IFT52: variants seen among roughly 807,000 people sequenced by gnomAD.
IFT52 encodes intraflagellar transport 52, also known as intraflagellar transport protein 52 homolog.
A neutral mutation model predicts 54.4 loss-of-function variants in IFT52; 44 were observed. The observed-to-expected ratio is 0.81, with a 90% confidence interval of 0.63 to 1.04. The LOEUF is 1.04. Ranked by LOEUF, IFT52 falls within the 50% of genes least tolerant of loss-of-function variation. The probability of loss-of-function intolerance (pLI) is 0.00; values close to 1 mark genes in which losing one functional copy is unlikely to be tolerated. For synonymous variants in IFT52, 181 were observed against 185.3 expected (o/e 0.98, Z 0.19); for missense variants, 452 against 523.6 (o/e 0.86, Z 1.33).
chr20:43,642,931 C>T (rs1986020078), intron 13 of IFT52, among the ~76,000 whole-genome samples: 1 of 152,120 alleles, frequency 6.6e-6, no homozygotes, highest in Non-Finnish European at 1.5e-5. Context: ...CTTTGGGAGG[C>T]TGAGGTAGGC....
chr20:43,635,262 G>A (rs745942252), intron 10 of IFT52, among the ~76,000 whole-genome samples: 125 of 151,536 alleles, frequency 8.2e-4, no homozygotes, highest in Non-Finnish European at 1.9e-4. Flanking sequence ...GGCCTCTAGC[G>A]CCATCCAAGT....
intron 6 of IFT52, among the ~76,000 whole-genome samples, chr20:43,610,205 T>TGG (rs1304416793): frequency 3.4e-5 from 5 of 148,400 alleles, no homozygotes; most frequent in East Asian, 2.0e-4. Context: ...GGCAGGAGAA[T>TGG]TGCTTGAACC....
At chr20:43,595,081 C>T (rs1418292898) in intron 2 of IFT52, among the ~76,000 whole-genome samples, 1 of 150,982 alleles carries the variant, frequency 6.6e-6, no homozygotes, top group East Asian at 2.0e-4. Flanking sequence ...TTTGGGAGGC[C>T]AAGGCGGGTG....
rs140715715 is a variant in IFT52, at chr20:43,624,051, T to C, written c.923+6T>C. The C allele has an allele frequency of 1.3e-4, 206 of 1,613,820 alleles. No individual in the cohort carries two copies. The African/African-American group carries it at 2.3e-3, about 18-fold the overall frequency. Reference sequence around the variant, plus strand: ...TCCTTCCACAGCGTCATCGAGTCAGTACCTGTGGGCCTCTGAGCCACACTG... The same window carrying C: ...TCCTTCCACAGCGTCATCGAGTCAGCACCTGTGGGCCTCTGAGCCACACTG... On this transcript the variant is annotated splice_donor_region_variant and intron_variant, in intron 10 of 13. Transcript: ENST00000373030.
At position 43,594,765 on chromosome 20, in the gene IFT52, A is replaced by G; in HGVS notation, c.67A>G (p.Asn23Asp). ...AYKKEIFTTN[N>D]GYKSMQKKLR... ...CAAAAAGGAGATATTTACCACCAAC[A>G]ATGGCTACAAATCCATGCAGAAAAA... The change falls in exon 2 of 14, where the codon AAT becomes GAT. Residue 23 changes from asparagine (N) to aspartate (D), a missense_variant. Transcript: ENST00000373030. 6.2e-7 allele frequency: 1 copy of G among 1,613,340 alleles called. No homozygotes were observed.
In IFT52 at chr20:43,637,388, G is replaced by A. The variant is rs568450189; in HGVS notation, c.1120+135G>A. Reference sequence around the variant, plus strand: ...AGCGATTCTCCTGTCTCAGCCTCCCGAGTAGCTGGGATTACAGGCATGCGC... The same window carrying A: ...AGCGATTCTCCTGTCTCAGCCTCCCAAGTAGCTGGGATTACAGGCATGCGC... On this transcript the variant is annotated intron_variant, in intron 12 of 13. Coordinates refer to ENST00000373030, the MANE Select transcript of IFT52 (RefSeq NM_016004.5). 14 of 461,010 alleles carry A rather than the reference G, an allele frequency of 3.0e-5. No individual in the cohort carries two copies. In the East Asian group the frequency reaches 3.1e-4, roughly 10 times the overall value. The allele number at this position is 461,010 out of a possible 1,614,324, so 28.6% of individuals were successfully genotyped here. A position where few individuals can be genotyped will look rare whatever the true frequency, so the allele number is the denominator to read the frequency against.
intron 6 of IFT52, among the ~76,000 whole-genome samples, chr20:43,610,505 A>G (rs2038457): frequency 0.78 from 118,963 of 151,900 alleles, 46,910 homozygotes; most frequent in Non-Finnish European, 0.82. Flanking sequence ...AGGCTGAGGC[A>G]GGCAGATCAC....
rs143501649 is a variant in IFT52 at position 43,628,808 on chromosome 20, G to A, written c.923+4763G>A. 1.8e-3 allele frequency among the ~76,000 whole-genome samples: 277 copies of A among 151,726 alleles called. 1 individual carries two copies. Among genetic ancestry groups the A allele is most frequent in the Non-Finnish European group, 2.7e-3 (183 of 67,924 alleles). On this transcript the variant is annotated intron_variant, in intron 10 of 13. Transcript: ENST00000373030. ...AGAGGTTGCAGTGAGCCGAGATCGCGCCACTGCATTCCAGCCTGGGCGACA... is the reference window on the plus strand; with the variant it reads ...AGAGGTTGCAGTGAGCCGAGATCGCACCACTGCATTCCAGCCTGGGCGACA...
chr20:43,629,352 A>G (rs56787028), intron 10 of IFT52, among the ~76,000 whole-genome samples: 1 of 14,358 alleles, frequency 7.0e-5, no homozygotes, highest in African/African-American at 1.3e-4. Flanking sequence ...GACTCACTGC[A>G]AGCTCCGCCT....
intron 7 of IFT52, 21 bp downstream of exon 7, chr20:43,613,997 G>A (rs1258959492): frequency 1.3e-6 from 2 of 1,575,198 alleles, no homozygotes; most frequent in Admixed American, 3.8e-5. Context: ...TCTTAGATAT[G>A]GGTATAGATG....
intron 10 of IFT52, among the ~76,000 whole-genome samples, chr20:43,629,989 C>A (rs990417922): frequency 6.6e-6 from 1 of 152,148 alleles, no homozygotes; most frequent in Non-Finnish European, 1.5e-5. Flanking sequence ...AAGAAATTAT[C>A]TGAAAATGTG....
intron 7 of IFT52, among the ~76,000 whole-genome samples, chr20:43,616,305 G>A (rs1009738782): frequency 3.3e-5 from 5 of 151,990 alleles, no homozygotes; most frequent in Non-Finnish European, 7.4e-5. Context: ...TCAGGAGTTC[G>A]AGACTAGCCT....
At chr20:43,613,250 A>G (rs968249235) in intron 6 of IFT52, among the ~76,000 whole-genome samples, 1 of 152,206 alleles carries the variant, frequency 6.6e-6, no homozygotes, top group African/African-American at 2.4e-5. Context: ...CGTATTTACC[A>G]GTAAGATATT....
At chr20:43,606,251 A>G (rs1982870404) in intron 6 of IFT52, among the ~76,000 whole-genome samples, 1 of 151,284 alleles carries the variant, frequency 6.6e-6, no homozygotes, top group African/African-American at 2.4e-5. Flanking sequence ...GTCATTATAG[A>G]TAATAAAGCA....
intron 1 of IFT52, among the ~76,000 whole-genome samples, chr20:43,593,311 G>A (rs995741827): frequency 1.3e-5 from 2 of 152,102 alleles, no homozygotes; most frequent in African/African-American, 4.8e-5. Context: ...ACTGGAAATA[G>A]GATTGTGTGG....
rs917072987 is a variant in IFT52, at chr20:43,596,294, A to C, written c.120-141A>C. ...GTAGAGGGAATTCTCACTTTGGGAGAGAGACTGGACCAGTTACCTCTAAAT... is the reference window on the plus strand; with the variant it reads ...GTAGAGGGAATTCTCACTTTGGGAGCGAGACTGGACCAGTTACCTCTAAAT... On this transcript the variant is annotated intron_variant, in intron 2 of 13. Transcript: ENST00000373030. 2.3e-5 allele frequency: 13 copies of C among 572,210 alleles called. No individual in the cohort carries two copies. The African/African-American group carries it at 2.5e-4, about 11-fold the overall frequency. 35.4% of individuals were successfully genotyped at this position (572,210 alleles called of 1,614,324 possible). A position where few individuals can be genotyped will look rare whatever the true frequency, so the allele number is the denominator to read the frequency against.
chr20:43,595,874 G>A (rs182386846), intron 2 of IFT52, among the ~76,000 whole-genome samples: 1 of 152,248 alleles, frequency 6.6e-6, no homozygotes, highest in Non-Finnish European at 1.5e-5. Flanking sequence ...GAAACAGAGG[G>A]AGACTCTGTC....
chr20:43,595,316 CAAAAAAA>C (rs34012263), intron 2 of IFT52, among the ~76,000 whole-genome samples: 3,214 of 63,148 alleles, frequency 0.051, 50 homozygotes, highest in Middle Eastern at 0.12. Context: ...GACTCCGTCT[CAAAAAAA>C]AAAAAAAAAA....
rs1052442555 is a variant in IFT52, at chr20:43,647,222, A to G, written c.*239A>G. On this transcript the variant is annotated 3_prime_UTR_variant, in exon 14 of 14. Transcript: ENST00000373030. ...GGTTGCATCTGTCTTTTTATACCCT[A>G]TGAAACAGTCTTGATTTTTTTTTCT... 7 of 531,960 alleles carry G rather than the reference A, an allele frequency of 1.3e-5. No homozygotes were observed. The highest frequency in any genetic ancestry group is 1.1e-4 in the African/African-American group (6 of 52,512). The allele number at this position is 531,960 out of a possible 1,614,324, so 33.0% of individuals were successfully genotyped here.
Sources: gnomAD v4.1 joint callset for allele counts (sites outside exome capture counted in the v4.1 genomes callset) on GRCh38, gnomAD v4.1.1 for gene constraint, MANE v1.5 for transcripts, NCBI Gene and HGNC (gene_info 2026-07-23, HGNC 2026-07-21) for gene names.